The following TAFA1 variants were observed in gnomAD, a reference collection of about 807,000 sequenced individuals.
TAFA1 encodes the protein TAFA chemokine like family member 1.
A neutral mutation model predicts 18.5 loss-of-function variants in TAFA1; 4 were observed. The ratio of observed to expected loss-of-function variants is 0.22; its 90% confidence interval spans 0.11 to 0.49. The LOEUF (loss-of-function observed/expected upper bound fraction) is 0.49, where lower values mean the gene tolerates loss of function less well. TAFA1 is among the 20% of genes least tolerant of loss of function. The probability of loss-of-function intolerance (pLI) is 0.98; values close to 1 mark genes in which losing one functional copy is unlikely to be tolerated. For synonymous variants in TAFA1, 56 were observed against 55.2 expected, an observed-to-expected ratio of 1.01 and a Z score of -0.06; for missense variants, 147 against 169.0, an observed-to-expected ratio of 0.87 and a Z score of 0.72.
intron 3 of TAFA1, among the ~76,000 whole-genome samples, chr3:68,495,346 T>C (rs2072526139): frequency 6.6e-6 from 1 of 152,234 alleles, no homozygotes; most frequent in Admixed American, 6.5e-5. Context: ...AAGAGCAACT[T>C]CTTTTCTCTG....
At chr3:68,150,675 T>C (rs2065796195) in intron 2 of TAFA1, among the ~76,000 whole-genome samples, 1 of 152,138 alleles carries the variant, frequency 6.6e-6, no homozygotes, top group Non-Finnish European at 1.5e-5. Flanking sequence ...TAACCCTTCA[T>C]TTACTTCTTT....
intron 3 of TAFA1, among the ~76,000 whole-genome samples, chr3:68,501,392 G>A (rs184234171): frequency 9.7e-4 from 148 of 151,944 alleles, no homozygotes; most frequent in South Asian, 5.8e-3. Context: ...AAAAAGCCAC[G>A]GAATATGCAA....
At chr3:68,505,993 C>T (rs1295626448) in intron 3 of TAFA1, among the ~76,000 whole-genome samples, 1 of 151,874 alleles carries the variant, frequency 6.6e-6, no homozygotes, top group East Asian at 1.9e-4. Flanking sequence ...CACCCATCAA[C>T]CCGTCATCTA....
intron 3 of TAFA1, among the ~76,000 whole-genome samples, chr3:68,455,159 G>C (rs897091631): frequency 2.6e-5 from 4 of 152,086 alleles, no homozygotes; most frequent in Admixed American, 2.6e-4. Flanking sequence ...AGTGGAAATG[G>C]ATCATCATAA....
At position 68,525,218 on chromosome 3, in the gene TAFA1, C is replaced by G. The variant is rs777882311; in HGVS notation, c.260-13538C>G. ...GACACGAACAAAATGAATTTCGAAGCGTCAGTATGGAATTTTATTTTTTAC... is the reference window on the plus strand; with the variant it reads ...GACACGAACAAAATGAATTTCGAAGGGTCAGTATGGAATTTTATTTTTTAC... On this transcript the variant is annotated intron_variant, in intron 3 of 4. Transcript: ENST00000478136. Among the ~76,000 whole-genome samples, 24 of 152,184 alleles carry G rather than the reference C, an allele frequency of 1.6e-4. 1 individual carries two copies. The highest frequency in any genetic ancestry group is 3.4e-3 in the Middle Eastern group (1 of 294).
intron 3 of TAFA1, among the ~76,000 whole-genome samples, chr3:68,462,524 T>C (rs981027347): frequency 1.3e-5 from 2 of 152,174 alleles, no homozygotes; most frequent in African/African-American, 4.8e-5. Flanking sequence ...CTCTTTCCTT[T>C]ACAAATTATG....
chr3:68,496,419 T>G (rs546681989), intron 3 of TAFA1, among the ~76,000 whole-genome samples: 21 of 152,250 alleles, frequency 1.4e-4, no homozygotes, highest in Admixed American at 7.2e-4. Flanking sequence ...ATGGGCTGTT[T>G]CTTGTCAAAA....
intron 3 of TAFA1, among the ~76,000 whole-genome samples, chr3:68,521,397 A>G (rs1415518315): frequency 2.0e-5 from 3 of 152,190 alleles, no homozygotes; most frequent in Non-Finnish European, 4.4e-5. Flanking sequence ...GCCAATTTAC[A>G]ATGCTGGTCA....
At chr3:68,304,428 A>G (rs1195148385) in intron 2 of TAFA1, among the ~76,000 whole-genome samples, 2 of 152,186 alleles carry the variant, frequency 1.3e-5, no homozygotes, top group African/African-American at 2.4e-5. Flanking sequence ...ATTTTTCAGT[A>G]TGGAAGATTT....
At chr3:68,183,028 T>C (rs1029245975) in intron 2 of TAFA1, among the ~76,000 whole-genome samples, 1 of 152,176 alleles carries the variant, frequency 6.6e-6, no homozygotes, top group African/African-American at 2.4e-5. Context: ...CAAATAATTA[T>C]CCTATCAGAA....
intron 2 of TAFA1, among the ~76,000 whole-genome samples, chr3:68,406,976 C>A (rs903651897): frequency 6.6e-6 from 1 of 152,088 alleles, no homozygotes; most frequent in African/African-American, 2.4e-5. Context: ...CCATTTTCTT[C>A]TTTTAAAAAT....
At position 68,347,531 on chromosome 3, in the gene TAFA1, C is replaced by T. The variant is rs185948075; in HGVS notation, c.119-69749C>T. Among the ~76,000 whole-genome samples, 1,100 of 152,256 alleles carry T rather than the reference C, an allele frequency of 7.2e-3. 12 individuals carry two copies. The highest frequency in any genetic ancestry group is 0.025 in the African/African-American group (1,044 of 41,556). ...GATCAGACAGTACATATTTTAGGTT[C>T]CACAGGTCATATGGTTTCTGTTGCA... On this transcript the variant is annotated intron_variant, in intron 2 of 4. Transcript: ENST00000478136.
chr3:68,178,714 G>A (rs987972857), intron 2 of TAFA1, among the ~76,000 whole-genome samples: 1 of 152,238 alleles, frequency 6.6e-6, no homozygotes, highest in Non-Finnish European at 1.5e-5. Context: ...GGAAGGTAAG[G>A]TAGAATAATG....
intron 3 of TAFA1, among the ~76,000 whole-genome samples, chr3:68,441,279 T>G (rs907966240): frequency 6.6e-6 from 1 of 152,164 alleles, no homozygotes; most frequent in African/African-American, 2.4e-5. Context: ...CTCTGCCACT[T>G]GGGCTATATG....
chr3:68,530,476 C>T (rs951044309), intron 3 of TAFA1, among the ~76,000 whole-genome samples: 3 of 152,188 alleles, frequency 2.0e-5, no homozygotes, highest in Non-Finnish European at 4.4e-5. Context: ...GATGAACATT[C>T]TGGAAAGAGT....
intron 2 of TAFA1, among the ~76,000 whole-genome samples, chr3:68,072,317 G>A (rs560313481): frequency 1.3e-5 from 2 of 152,128 alleles, no homozygotes; most frequent in Non-Finnish European, 2.9e-5. Context: ...TGTGAAGTAC[G>A]GGAAGTGAGG....
At chr3:68,360,302 A>T (rs1289050988) in intron 2 of TAFA1, among the ~76,000 whole-genome samples, 1 of 151,984 alleles carries the variant, frequency 6.6e-6, no homozygotes, top group East Asian at 1.9e-4. Flanking sequence ...GACTTTTATG[A>T]TTAACAATTT....
intron 2 of TAFA1, among the ~76,000 whole-genome samples, chr3:68,093,549 C>T (rs368594535): frequency 1.7e-4 from 26 of 152,160 alleles, no homozygotes; most frequent in African/African-American, 6.0e-4. Flanking sequence ...ATCTTTGCAG[C>T]ACTGTGGTGG....
intron 2 of TAFA1, among the ~76,000 whole-genome samples, chr3:68,310,265 A>G (rs936317357): frequency 6.6e-6 from 1 of 152,180 alleles, no homozygotes; most frequent in Non-Finnish European, 1.5e-5. Flanking sequence ...TGGAGATCTT[A>G]AGTAGTTTTT....
Sources: gnomAD v4.1 joint callset for allele counts (sites outside exome capture counted in the v4.1 genomes callset) on GRCh38, gnomAD v4.1.1 for gene constraint, MANE v1.5 for transcripts, NCBI Gene and HGNC (gene_info 2026-07-23, HGNC 2026-07-21) for gene names.